Variants in PRRX2 observed in about 807,000 individuals in gnomAD.
PRRX2 encodes the protein paired mesoderm homeobox protein 2.
Under a neutral mutation model 18.0 loss-of-function variants are expected in PRRX2, and 11 were observed. The ratio of observed to expected loss-of-function variants is 0.61; its 90% confidence interval spans 0.39 to 1.01. The LOEUF is 1.01. Ranked by LOEUF, PRRX2 falls within the 50% of genes least tolerant of loss-of-function variation. The probability of loss-of-function intolerance (pLI) is 0.01; values close to 1 mark genes in which losing one functional copy is unlikely to be tolerated. For missense variants in PRRX2, 387 were observed against 351.0 expected (o/e 1.10, Z -0.82); for synonymous variants, 177 against 154.8 (o/e 1.14, Z -1.06).
intron 1 of PRRX2, among the ~76,000 whole-genome samples, chr9:129,689,886 C>T (rs186174330): frequency 4.5e-4 from 62 of 136,768 alleles, no homozygotes; most frequent in Non-Finnish European, 7.5e-4. Flanking sequence ...CCAAGTAGCT[C>T]GTATTACAGG....
At chr9:129,680,748 C>T (rs1050043964) in intron 1 of PRRX2, among the ~76,000 whole-genome samples, 6 of 152,204 alleles carry the variant, frequency 3.9e-5, no homozygotes, top group African/African-American at 1.4e-4. Context: ...CCAGCCCTGC[C>T]TGGCGACCTG....
At chr9:129,711,846 T>G (rs1357834302) in intron 1 of PRRX2, among the ~76,000 whole-genome samples, 2 of 152,286 alleles carry the variant, frequency 1.3e-5, no homozygotes, top group East Asian at 3.9e-4. Context: ...CATTCCTTAC[T>G]GGGGGAGGTG....
chr9:129,673,812 TTAAGTGCC>T (rs1832130962), intron 1 of PRRX2, among the ~76,000 whole-genome samples: 1 of 152,076 alleles, frequency 6.6e-6, no homozygotes. Flanking sequence ...GGGCCAAGGG[TTAAGTGCC>T]TTTTGCGAGG....
chr9:129,692,751 A>G (rs1377138731), intron 1 of PRRX2, among the ~76,000 whole-genome samples: 1 of 152,030 alleles, frequency 6.6e-6, no homozygotes, highest in Non-Finnish European at 1.5e-5. Context: ...TTCAGTGCTG[A>G]GTAATATTCC....
chr9:129,706,919 A>C (rs1051662597), intron 1 of PRRX2, among the ~76,000 whole-genome samples: 6 of 152,196 alleles, frequency 3.9e-5, no homozygotes, highest in African/African-American at 1.4e-4. Flanking sequence ...GTCTACCTCC[A>C]TCTCTATGGA....
intron 1 of PRRX2, among the ~76,000 whole-genome samples, chr9:129,702,905 A>G (rs1832514765): frequency 6.6e-6 from 1 of 152,218 alleles, no homozygotes; most frequent in South Asian, 2.1e-4. Context: ...GGCTGAAATC[A>G]CCAGAACAGC....
chr9:129,686,817 C>T (rs943672861), intron 1 of PRRX2, among the ~76,000 whole-genome samples: 1 of 152,222 alleles, frequency 6.6e-6, no homozygotes, highest in Non-Finnish European at 1.5e-5. Flanking sequence ...AGGCCCCTCC[C>T]CTCCCTTCCA....
At chr9:129,684,521 CACCCACACACA>C (rs1260493508) in intron 1 of PRRX2, among the ~76,000 whole-genome samples, 17 of 41,580 alleles carry the variant, frequency 4.1e-4, no homozygotes, top group East Asian at 2.5e-3. Context: ...CACACACACA[CACCCACACACA>C]CCCCAACAGA....
At chr9:129,699,955 C>T (rs562853162) in intron 1 of PRRX2, among the ~76,000 whole-genome samples, 3 of 152,324 alleles carry the variant, frequency 2.0e-5, no homozygotes, top group African/African-American at 7.2e-5. Context: ...CTCCACCAGA[C>T]AGTTACAAAC....
At chr9:129,679,509 T>C (rs1305825150) in intron 1 of PRRX2, among the ~76,000 whole-genome samples, 1 of 152,146 alleles carries the variant, frequency 6.6e-6, no homozygotes, top group Admixed American at 6.5e-5. Context: ...CCCCATTTTC[T>C]AGGTGAGGAA....
At position 129,665,960 on chromosome 9, in the gene PRRX2, C is replaced by T. The variant is rs1832014537; in HGVS notation, c.93C>T (p.Cys31=). ...CACCCGCGCTGGGGCCCGGCGACTG[C>T]GCCCAGGCGCGCAAGAACTTCTCGG... The part of the protein sequence containing the change: ...PPPPALGPGD[C]AQARKNFSVS... The change falls in exon 1 of 4, where the codon TGC becomes TGT. Residue 31 remains cysteine, a synonymous_variant. Coordinates refer to ENST00000372469, the MANE Select transcript of PRRX2 (RefSeq NM_016307.4). The surrounding 1 kb of genome is among the most constrained non-coding windows in gnomAD (Gnocchi z 5.3). 3 of 1,140,050 alleles carry T rather than the reference C, an allele frequency of 2.6e-6. No homozygotes were observed. The highest frequency in any genetic ancestry group is 1.1e-6 in the Non-Finnish European group (1 of 923,312). 70.6% of individuals were successfully genotyped at this position (1,140,050 alleles called of 1,614,324 possible).
chr9:129,684,508 A>G, intron 1 of PRRX2, among the ~76,000 whole-genome samples: 1 of 53,938 alleles, frequency 1.9e-5, no homozygotes, highest in South Asian at 5.0e-4. Flanking sequence ...ACACACACAC[A>G]CACACACACA....
intron 1 of PRRX2, among the ~76,000 whole-genome samples, chr9:129,714,761 T>G (rs530018222): frequency 1.3e-5 from 2 of 152,320 alleles, no homozygotes; most frequent in South Asian, 4.1e-4. Context: ...GGTTTTCATT[T>G]AAACACCCCC....
chr9:129,698,695 A>G (rs1044636211), intron 1 of PRRX2, among the ~76,000 whole-genome samples: 6 of 152,134 alleles, frequency 3.9e-5, no homozygotes, highest in African/African-American at 1.4e-4. Flanking sequence ...CCCTCACGTC[A>G]CTACCTCACG....
chr9:129,677,789 C>T (rs183885615), intron 1 of PRRX2, among the ~76,000 whole-genome samples: 107 of 152,212 alleles, frequency 7.0e-4, no homozygotes, highest in Non-Finnish European at 1.3e-3. Context: ...GGGCTCAAAG[C>T]GGGAAATTGC....
chr9:129,684,715 T>A (rs1365056409), intron 1 of PRRX2, among the ~76,000 whole-genome samples: 2 of 152,126 alleles, frequency 1.3e-5, no homozygotes, highest in Non-Finnish European at 2.9e-5. Flanking sequence ...GAGGTTGCTC[T>A]CCACGTGGTG....
chr9:129,688,512 G>A (rs529800319), intron 1 of PRRX2, among the ~76,000 whole-genome samples: 11 of 152,206 alleles, frequency 7.2e-5, no homozygotes, highest in Admixed American at 7.2e-4. Context: ...TCCCTACCCC[G>A]CAAACACGCA....
Position 129,719,392 on chromosome 9 carries a change from G to T in PRRX2, c.421G>T (p.Val141Phe). The change falls in exon 2 of 4, where the codon GTC becomes TTC. Residue 141 changes from valine to phenylalanine, a missense_variant. Coordinates refer to ENST00000372469, the MANE Select transcript of PRRX2 (RefSeq NM_016307.4). ...AFVREELARR[V>F]NLSEARVQVW... ...TGTGCGCGAGGAGCTTGCCCGGCGC[G>T]TCAACCTCAGCGAGGCGCGCGTTCA... 6.5e-7 allele frequency: 1 copy of T among 1,547,348 alleles called. No homozygotes were observed. Among genetic ancestry groups the T allele is most frequent in the Non-Finnish European group, 8.7e-7 (1 of 1,146,870 alleles).
chr9:129,693,932 G>A (rs969903368), intron 1 of PRRX2, among the ~76,000 whole-genome samples: 1 of 152,218 alleles, frequency 6.6e-6, no homozygotes. Context: ...GACATAGTTT[G>A]CTGTGTCCTT....
Sources: gnomAD v4.1 joint callset for allele counts (sites outside exome capture counted in the v4.1 genomes callset) on GRCh38, gnomAD v4.1.1 for gene constraint, Gnocchi (gnomAD v3.1) non-coding constraint, MANE v1.5 for transcripts, NCBI Gene and HGNC (gene_info 2026-07-23, HGNC 2026-07-21) for gene names.